The following ISG15 variants were observed in gnomAD, a reference collection of about 807,000 sequenced individuals.
The protein encoded by ISG15 is ubiquitin-like protein ISG15.
In ISG15, 2 loss-of-function variants were observed where a neutral mutation model predicts 2.4. That is an observed-to-expected ratio of 0.82 (90% CI 0.33 to 2.57). ISG15 has a LOEUF of 2.57. Ranked by LOEUF, ISG15 falls within the 30% of genes most tolerant of loss-of-function variation. The pLI is 0.11. For synonymous variants in ISG15, 116 were observed against 108.1 expected, an observed-to-expected ratio of 1.07 and a Z score of -0.45; for missense variants, 224 against 228.4, an observed-to-expected ratio of 0.98 and a Z score of 0.13.
Position 1,013,976 on chromosome 1 carries a change from G to A in ISG15, c.4-8G>A, listed in dbSNP as rs762890462. 2.5e-6 allele frequency: 4 copies of A among 1,586,432 alleles called. No individual in the cohort carries two copies. The highest frequency in any genetic ancestry group is 1.3e-5 in the African/African-American group (1 of 74,568). Reference sequence around the variant, plus strand: ...GCCGCAGTCTCTGAACCTGTGTGACGCCTGCAGGGCTGGGACCTGACGGTG... The same window carrying A: ...GCCGCAGTCTCTGAACCTGTGTGACACCTGCAGGGCTGGGACCTGACGGTG... On this transcript the variant is annotated splice_polypyrimidine_tract_variant and splice_region_variant and intron_variant, in intron 1 of 1. Coordinates refer to ENST00000649529, the MANE Select transcript of ISG15 (RefSeq NM_005101.4).
chr1:1,014,359 G>T lies in ISG15; in HGVS notation c.379G>T (p.Glu127Ter), dbSNP rs672601312. The part of the protein sequence containing the change: ...VQDDLFWLTF[E>*]GKPLEDQLPL... Reference sequence around the variant, plus strand: ...GGACGACCTGTTCTGGCTGACCTTCGAGGGGAAGCCCCTGGAGGACCAGCT... The same window carrying T: ...GGACGACCTGTTCTGGCTGACCTTCTAGGGGAAGCCCCTGGAGGACCAGCT... Residue 127 changes from glutamate to a stop codon, truncating the protein, a stop_gained, in exon 2 of 2, where the codon GAG becomes TAG. Coordinates refer to ENST00000649529, the MANE Select transcript of ISG15 (RefSeq NM_005101.4). LOFTEE classifies it low-confidence loss of function (END_TRUNC). 1.1e-5 allele frequency: 17 copies of T among 1,613,522 alleles called. No individual in the cohort carries two copies. The highest frequency in any genetic ancestry group is 6.7e-5 in the East Asian group (3 of 44,890).
chr1:1,013,566 C>A lies in ISG15; in HGVS notation c.-8C>A. ...TGTGCCGTGGCCCACAGCCCACAGC[C>A]CACAGCCATGGTAAGGCAGATGTCA... On this transcript the variant is annotated 5_prime_UTR_variant, in exon 1 of 2. Coordinates refer to ENST00000649529, the MANE Select transcript of ISG15 (RefSeq NM_005101.4). 1 of 1,613,546 alleles carries A rather than the reference C, an allele frequency of 6.2e-7. No homozygotes were observed. The highest frequency in any genetic ancestry group is 1.1e-5 in the South Asian group (1 of 91,076).
rs1291438456 is a variant in ISG15 at position 1,013,589 on chromosome 1, T to C, written c.3+13T>C. ...GCCCACAGCCATGGTAAGGCAGATG[T>C]CACAGGTGGGGGGAGGTGGGCTCTG... On this transcript the variant is annotated intron_variant, in intron 1 of 1. Transcript: ENST00000649529. 1 of 1,613,252 alleles carries C rather than the reference T, an allele frequency of 6.2e-7. No individual in the cohort carries two copies. Among genetic ancestry groups the C allele is most frequent in the Non-Finnish European group, 8.5e-7 (1 of 1,179,810 alleles).
Position 1,014,387 on chromosome 1 carries a change from C to T in ISG15, c.407C>T (p.Pro136Leu), listed in dbSNP as rs750013833. 9 of 1,613,180 alleles carry T rather than the reference C, an allele frequency of 5.6e-6. No individual in the cohort carries two copies. Among genetic ancestry groups the T allele is most frequent in the East Asian group, 4.5e-5 (2 of 44,892 alleles). ...FEGKPLEDQLPLGEYGLKPLS... is the reference protein window; with the variant it reads ...FEGKPLEDQLLLGEYGLKPLS... ...GGGAAGCCCCTGGAGGACCAGCTCCCGCTGGGGGAGTACGGCCTCAAGCCC... is the reference window on the plus strand; with the variant it reads ...GGGAAGCCCCTGGAGGACCAGCTCCTGCTGGGGGAGTACGGCCTCAAGCCC... The change falls in exon 2 of 2, where the codon CCG (proline) becomes CTG (leucine). Residue 136 changes from proline to leucine, a missense_variant. Transcript: ENST00000649529.
chr1:1,014,405 T>A lies in ISG15; in HGVS notation c.425T>A (p.Leu142His). ...CAGCTCCCGCTGGGGGAGTACGGCC[T>A]CAAGCCCCTGAGCACCGTGTTCATG... is the stretch of plus-strand genomic sequence containing the variant. ...EDQLPLGEYG[L>H]KPLSTVFMNL... The change falls in exon 2 of 2, where the codon CTC becomes CAC. Residue 142 changes from leucine (L) to histidine (H), a missense_variant. Physicochemically the swap from Leu to His is moderately conservative, Grantham distance 99 (BLOSUM62 -3). Transcript: ENST00000649529. 6.2e-7 allele frequency: 1 copy of A among 1,613,124 alleles called. No individual in the cohort carries two copies. Among genetic ancestry groups the A allele is most frequent in the Non-Finnish European group, 8.5e-7 (1 of 1,179,988 alleles).
intron 1 of ISG15, 70 bp downstream of exon 1, chr1:1,013,646 C>G: frequency 6.5e-7 from 1 of 1,543,178 alleles, no homozygotes; most frequent in Non-Finnish European, 8.9e-7. Flanking sequence ...CTCCCCCAGC[C>G]AAGGTCTCCC....
chr1:1,013,654 C>G, intron 1 of ISG15, 78 bp downstream of exon 1: 1 of 1,502,486 alleles, frequency 6.7e-7, no homozygotes, highest in Admixed American at 1.7e-5. Flanking sequence ...GCCAAGGTCT[C>G]CCAGGGGTGC....
rs1226190272 is a variant in ISG15 at position 1,013,551 on chromosome 1, C to CCCACAGG, written c.-17_-16insGCCACAG. ...GCCAGTACAGGAGCTTGTGCCGTGG[C>CCCACAGG]CCACAGCCCACAGCCCACAGCCATG... On this transcript the variant is annotated 5_prime_UTR_variant, in exon 1 of 2. Coordinates refer to ENST00000649529, the MANE Select transcript of ISG15 (RefSeq NM_005101.4). 5.0e-6 allele frequency: 8 copies of CCCACAGG among 1,607,224 alleles called. No homozygotes were observed. The highest frequency in any genetic ancestry group is 6.8e-6 in the Non-Finnish European group (8 of 1,176,126).
chr1:1,014,318 G>T lies in ISG15; in HGVS notation c.338G>T (p.Gly113Val). The T allele has an allele frequency of 6.2e-7, 1 of 1,613,754 alleles. No homozygotes were observed. The highest frequency in any genetic ancestry group is 8.5e-7 in the Non-Finnish European group (1 of 1,180,022). The part of the protein sequence containing the change: ...TVAHLKQQVS[G>V]LEGVQDDLFW... ...GCCCACCTGAAGCAGCAAGTGAGCGGGCTGGAGGGTGTGCAGGACGACCTG... is the reference window on the plus strand; with the variant it reads ...GCCCACCTGAAGCAGCAAGTGAGCGTGCTGGAGGGTGTGCAGGACGACCTG... Residue 113 changes from glycine (G) to valine (V), a missense_variant, in exon 2 of 2, where the codon GGG becomes GTG. Transcript: ENST00000649529.
rs757800752 is a variant in ISG15, at chr1:1,014,511, G to C, written c.*33G>C. On this transcript the variant is annotated 3_prime_UTR_variant, in exon 2 of 2. Transcript: ENST00000649529. ...CACCAGCATCCGAGCAGGATCAAGG[G>C]CCGGAAATAAAGGCTGTTGTAAAGA... 6.4e-7 allele frequency: 1 copy of C among 1,564,650 alleles called. No homozygotes were observed. Among genetic ancestry groups the C allele is most frequent in the Non-Finnish European group, 8.7e-7 (1 of 1,156,030 alleles).
In ISG15 at chr1:1,014,311, G is replaced by C; in HGVS notation, c.331G>C (p.Val111Leu). Residue 111 changes from valine (V) to leucine (L), a missense_variant, in exon 2 of 2, where the codon GTG becomes CTG. Coordinates refer to ENST00000649529, the MANE Select transcript of ISG15 (RefSeq NM_005101.4). The part of the protein sequence containing the change: ...TQTVAHLKQQ[V>L]SGLEGVQDDL... ...GACCGTGGCCCACCTGAAGCAGCAA[G>C]TGAGCGGGCTGGAGGGTGTGCAGGA... The C allele has an allele frequency of 6.2e-7, 1 of 1,613,760 alleles. No individual in the cohort carries two copies. The highest frequency in any genetic ancestry group is 8.5e-7 in the Non-Finnish European group (1 of 1,180,022).
At position 1,014,467 on chromosome 1, in the gene ISG15, G is replaced by C. The variant is rs778142785; in HGVS notation, c.487G>C (p.Gly163Arg). The change falls in exon 2 of 2, where the codon GGG (glycine) becomes CGG (arginine). Residue 163 changes from glycine (G) to arginine (R), a missense_variant. By Grantham distance (125) the Gly-to-Arg change is moderately radical. Coordinates refer to ENST00000649529, the MANE Select transcript of ISG15 (RefSeq NM_005101.4). ...GCGGGGAGGCGGCACAGAGCCTGGC[G>C]GGCGGAGCTAAGGGCCTCCACCAGC... ...RLRGGGTEPG[G>R]RS The C allele has an allele frequency of 6.2e-7, 1 of 1,605,082 alleles. No homozygotes were observed. The highest frequency in any genetic ancestry group is 8.5e-7 in the Non-Finnish European group (1 of 1,174,312).
Position 1,014,409 on chromosome 1 carries a change from G to A in ISG15, c.429G>A (p.Lys143=), listed in dbSNP as rs1394371883. Residue 143 remains lysine, a synonymous_variant, in exon 2 of 2, where the codon AAG becomes AAA. Coordinates refer to ENST00000649529, the MANE Select transcript of ISG15 (RefSeq NM_005101.4). ...TCCCGCTGGGGGAGTACGGCCTCAA[G>A]CCCCTGAGCACCGTGTTCATGAATC... ...DQLPLGEYGL[K]PLSTVFMNLR... The A allele has an allele frequency of 5.6e-6, 9 of 1,613,054 alleles. No homozygotes were observed. The African/African-American group carries it at 9.3e-5, about 17-fold the overall frequency.
In ISG15 at chr1:1,014,386, C is replaced by A. The variant is rs367626204; in HGVS notation, c.406C>A (p.Pro136Thr). 5 of 1,613,196 alleles carry A rather than the reference C, an allele frequency of 3.1e-6. No individual in the cohort carries two copies. The African/African-American group carries it at 6.7e-5, about 22-fold the overall frequency. ...FEGKPLEDQL[P>T]LGEYGLKPLS... Reference sequence around the variant, plus strand: ...GGGGAAGCCCCTGGAGGACCAGCTCCCGCTGGGGGAGTACGGCCTCAAGCC... The same window carrying A: ...GGGGAAGCCCCTGGAGGACCAGCTCACGCTGGGGGAGTACGGCCTCAAGCC... Residue 136 changes from proline (P) to threonine (T), a missense_variant, in exon 2 of 2, where the codon CCG becomes ACG. By Grantham distance (38) the Pro-to-Thr change is conservative (BLOSUM62 -1). Transcript: ENST00000649529.
chr1:1,014,246 A>C lies in ISG15; in HGVS notation c.266A>C (p.Asn89Thr). ...DEPLSILVRNNKGRSSTYEVR... is the reference protein window; with the variant it reads ...DEPLSILVRNTKGRSSTYEVR... Reference sequence around the variant, plus strand: ...CCTCTGAGCATCCTGGTGAGGAATAACAAGGGCCGCAGCAGCACCTACGAG... The same window carrying C: ...CCTCTGAGCATCCTGGTGAGGAATACCAAGGGCCGCAGCAGCACCTACGAG... The change falls in exon 2 of 2, where the codon AAC becomes ACC. Residue 89 changes from asparagine (N) to threonine (T), a missense_variant. Coordinates refer to ENST00000649529, the MANE Select transcript of ISG15 (RefSeq NM_005101.4). 6.2e-7 allele frequency: 1 copy of C among 1,613,606 alleles called. No homozygotes were observed. Among genetic ancestry groups the C allele is most frequent in the Non-Finnish European group, 8.5e-7 (1 of 1,179,974 alleles).
chr1:1,013,785 G>A (rs189880375), intron 1 of ISG15, among the ~76,000 whole-genome samples, 199 bp from the exon 2 acceptor site: 24 of 152,338 alleles, frequency 1.6e-4, no homozygotes, highest in African/African-American at 5.3e-4. Flanking sequence ...GGGAGGCCAC[G>A]GGATGGCGGT....
chr1:1,013,798 G>A (rs984544723), intron 1 of ISG15, among the ~76,000 whole-genome samples, 186 bp from the exon 2 acceptor site: 11 of 152,140 alleles, frequency 7.2e-5, no homozygotes, highest in Non-Finnish European at 1.3e-4. Flanking sequence ...ATGGCGGTGG[G>A]CAGCTGGCCT....
rs672601345 is a variant in ISG15 at position 1,014,316 on chromosome 1, C to CG, written c.339dup (p.Leu114AlafsTer?). ...TGGCCCACCTGAAGCAGCAAGTGAGCGGGCTGGAGGGTGTGCAGGACGACC... is the reference window on the plus strand; with the variant it reads ...TGGCCCACCTGAAGCAGCAAGTGAGCGGGGCTGGAGGGTGTGCAGGACGACC... On this transcript the variant is annotated frameshift_variant, in exon 2 of 2. Coordinates refer to ENST00000649529, the MANE Select transcript of ISG15 (RefSeq NM_005101.4). LOFTEE classifies it low-confidence loss of function (END_TRUNC). 1 of 1,613,702 alleles carries CG rather than the reference C, an allele frequency of 6.2e-7. No homozygotes were observed.
chr1:1,013,929 G>A (rs1019580627), intron 1 of ISG15, 55 bp from the exon 2 acceptor site: 7 of 1,542,448 alleles, frequency 4.5e-6, no homozygotes, highest in Non-Finnish European at 6.1e-6. Context: ...AGTGCCTTGT[G>A]TGTGGTGGGC....
Sources: allele counts gnomAD v4.1 joint callset (sites outside exome capture counted in the v4.1 genomes callset), GRCh38; gene constraint gnomAD v4.1.1; transcripts MANE v1.5; gene names NCBI Gene and HGNC (gene_info 2026-07-23, HGNC 2026-07-21).